Variants in POLR3B observed in about 807,000 individuals in gnomAD.
POLR3B encodes the protein DNA-directed RNA polymerase III subunit RPC2.
POLR3B carries 96 observed loss-of-function variants against 147.4 expected under a neutral mutation model. The observed-to-expected ratio is 0.65, with a 90% CI of 0.55 to 0.77. The LOEUF (loss-of-function observed/expected upper bound fraction) is 0.77, where lower values mean the gene tolerates loss of function less well. Among genes scored for constraint, POLR3B ranks in the 30% least tolerant of loss-of-function variants. The pLI, the probability that POLR3B is intolerant of heterozygous loss-of-function variation, is 0.00. For synonymous variants in POLR3B, 461 were observed against 485.9 expected (o/e 0.95, Z 0.67); for missense variants, 1,036 against 1,413.5 (o/e 0.73, Z 4.28).
At chr12:106,445,546 G>A (rs1208286872) in intron 19 of POLR3B, among the ~76,000 whole-genome samples, 1 of 152,106 alleles carries the variant, frequency 6.6e-6, no homozygotes, top group Non-Finnish European at 1.5e-5. Flanking sequence ...AGGAGTTTGA[G>A]TTTTATCTTG....
chr12:106,428,118 A>G (rs1015865457), intron 13 of POLR3B, among the ~76,000 whole-genome samples: 2 of 152,178 alleles, frequency 1.3e-5, no homozygotes, highest in African/African-American at 4.8e-5. Flanking sequence ...CTACATCTAA[A>G]TTTGAGGAGA....
At chr12:106,462,013 A>G (rs1296702678) in intron 22 of POLR3B, among the ~76,000 whole-genome samples, 1 of 152,192 alleles carries the variant, frequency 6.6e-6, no homozygotes, top group African/African-American at 2.4e-5. Flanking sequence ...CTGTCTTGGT[A>G]AATGGCATCA....
chr12:106,490,840 C>T (rs1047667577), intron 23 of POLR3B, among the ~76,000 whole-genome samples: 2 of 152,220 alleles, frequency 1.3e-5, no homozygotes, highest in East Asian at 3.8e-4. Flanking sequence ...AACTTGAAAG[C>T]ATTCCTACTG....
intron 1 of POLR3B, among the ~76,000 whole-genome samples, chr12:106,359,311 G>A (rs149605474): frequency 0.017 from 2,584 of 151,128 alleles, 43 homozygotes; most frequent in South Asian, 0.069. Flanking sequence ...GCAATAGGCT[G>A]CTGATCATCA....
intron 9 of POLR3B, among the ~76,000 whole-genome samples, chr12:106,388,152 C>T (rs976703091): frequency 6.6e-6 from 1 of 152,114 alleles, no homozygotes; most frequent in Non-Finnish European, 1.5e-5. Context: ...ACTTGGATCA[C>T]TACAAAGGTT....
At chr12:106,364,153 T>C (rs1008125747) in intron 2 of POLR3B, among the ~76,000 whole-genome samples, 2 of 152,162 alleles carry the variant, frequency 1.3e-5, no homozygotes, top group Non-Finnish European at 2.9e-5. Context: ...ACCAAAGTGC[T>C]ATCAGCAAAA....
chr12:106,428,336 C>T (rs1593035975), intron 13 of POLR3B, among the ~76,000 whole-genome samples: 1 of 152,150 alleles, frequency 6.6e-6, no homozygotes, highest in African/African-American at 2.4e-5. Flanking sequence ...ACTGCTTTAC[C>T]TCCCTGATAG....
chr12:106,378,730 A>G (rs868639200), intron 8 of POLR3B, among the ~76,000 whole-genome samples: 5 of 151,984 alleles, frequency 3.3e-5, no homozygotes, highest in Admixed American at 6.6e-5. Context: ...GCCTTTTACC[A>G]TTTACATGTG....
chr12:106,431,956 C>T (rs914104060), intron 14 of POLR3B, among the ~76,000 whole-genome samples: 2 of 152,140 alleles, frequency 1.3e-5, no homozygotes, highest in Non-Finnish European at 2.9e-5. Context: ...TTTTCCTTTA[C>T]TTATTTTATA....
chr12:106,504,350 CTCTG>C lies in POLR3B; in HGVS notation c.3272+102_3272+105del. Reference sequence around the variant, plus strand: ...GGATCCTATCCGCATATTCTCCAGCCTCTGTCTGTGATCACTAACATACCCTCCC... The same window carrying C: ...GGATCCTATCCGCATATTCTCCAGCCTCTGTGATCACTAACATACCCTCCC... On this transcript the variant is annotated intron_variant, in intron 27 of 27. Coordinates refer to ENST00000228347, the MANE Select transcript of POLR3B (RefSeq NM_018082.6). This position sits in a 1 kb window ranked among gnomAD's most constrained non-coding sequence, Gnocchi z 4.6. 1 of 1,013,844 alleles carries C rather than the reference CTCTG, an allele frequency of 9.9e-7. No homozygotes were observed. Among genetic ancestry groups the C allele is most frequent in the Non-Finnish European group, 1.6e-6 (1 of 635,858 alleles). 62.8% of individuals were successfully genotyped at this position (1,013,844 alleles called of 1,614,324 possible). A position where few individuals can be genotyped will look rare whatever the true frequency, so the allele number is the denominator to read the frequency against.
chr12:106,376,020 A>G (rs2036673595), intron 6 of POLR3B, among the ~76,000 whole-genome samples: 1 of 151,944 alleles, frequency 6.6e-6, no homozygotes, highest in Non-Finnish European at 1.5e-5. Flanking sequence ...AATTTTTTGT[A>G]TTTTTAGTAG....
intron 10 of POLR3B, among the ~76,000 whole-genome samples, chr12:106,397,283 A>G (rs942997257): frequency 2.6e-5 from 4 of 152,342 alleles, no homozygotes; most frequent in Middle Eastern, 3.4e-3. Flanking sequence ...AAAGTTGTCA[A>G]CACTCTTACT....
chr12:106,485,622 T>G (rs1276830619), intron 23 of POLR3B, among the ~76,000 whole-genome samples: 1 of 152,184 alleles, frequency 6.6e-6, no homozygotes, highest in East Asian at 1.9e-4. Context: ...GGATGGATGT[T>G]GCAAGAGGAA....
intron 10 of POLR3B, among the ~76,000 whole-genome samples, chr12:106,404,760 T>A (rs2037126301): frequency 6.6e-6 from 1 of 152,172 alleles, no homozygotes; most frequent in Non-Finnish European, 1.5e-5. Context: ...TTTTTTTATT[T>A]GTTTAGCTTT....
intron 27 of POLR3B, 121 bp from the exon 28 acceptor site, chr12:106,509,299 G>A (rs2038738016): frequency 6.8e-6 from 7 of 1,036,236 alleles, no homozygotes; most frequent in Non-Finnish European, 1.0e-5. Flanking sequence ...GAACACTTAG[G>A]AATAGAAAGA....
intron 18 of POLR3B, among the ~76,000 whole-genome samples, chr12:106,442,631 A>G (rs189574959): frequency 2.2e-4 from 33 of 150,046 alleles, no homozygotes; most frequent in Admixed American, 3.3e-4. Flanking sequence ...TGTGTTTTGG[A>G]AAAAAAAATA....
chr12:106,434,331 G>A (rs946689549), intron 16 of POLR3B, among the ~76,000 whole-genome samples: 3 of 152,152 alleles, frequency 2.0e-5, no homozygotes, highest in Admixed American at 6.5e-5. Flanking sequence ...CTTAGGATTC[G>A]TTTGACGCAT....
intron 18 of POLR3B, among the ~76,000 whole-genome samples, chr12:106,441,987 G>A (rs1470872818): frequency 2.0e-5 from 3 of 151,826 alleles, no homozygotes; most frequent in Non-Finnish European, 4.4e-5. Flanking sequence ...GGCTAAGGTG[G>A]GAGAATCACT....
Position 106,357,843 on chromosome 12 carries a change from G to T in POLR3B, c.-37G>T, listed in dbSNP as rs373418815. On this transcript the variant is annotated 5_prime_UTR_variant, in exon 1 of 28. Transcript: ENST00000228347. ...TGCTTGGTGCAGGGAAGGCGGGCGC[G>T]GAGGTTCTATCTGTTTCTTCCTCCT... 5.8e-4 allele frequency: 923 copies of T among 1,601,204 alleles called. 3 individuals carry two copies. Among genetic ancestry groups the T allele is most frequent in the Middle Eastern group, 1.6e-3 (9 of 5,628 alleles).
Sources: allele counts gnomAD v4.1 joint callset (sites outside exome capture counted in the v4.1 genomes callset), GRCh38; gene constraint gnomAD v4.1.1; non-coding constraint Gnocchi (gnomAD v3.1); transcripts MANE v1.5; gene names NCBI Gene and HGNC (gene_info 2026-07-23, HGNC 2026-07-21).